The following NECAB1 variants were observed in gnomAD, a reference collection of about 807,000 sequenced individuals.
NECAB1 encodes the protein N-terminal EF-hand calcium binding protein 1, also known as N-terminal EF-hand calcium-binding protein 1.
Under a neutral mutation model 57.5 loss-of-function variants are expected in NECAB1, and 29 were observed. That is an observed-to-expected ratio of 0.50 (90% CI 0.38 to 0.69). NECAB1 has a LOEUF of 0.69. NECAB1 is among the 30% of genes least tolerant of loss of function. NECAB1 has a pLI of 0.00. For synonymous variants in NECAB1, 142 were observed against 147.7 expected (o/e 0.96, Z 0.28); for missense variants, 372 against 413.8 (o/e 0.90, Z 0.88).
intron 5 of NECAB1, among the ~76,000 whole-genome samples, chr8:90,896,640 A>AAAAAT (rs1809347207): frequency 6.6e-6 from 1 of 151,952 alleles, no homozygotes; most frequent in South Asian, 2.1e-4. Context: ...AACAAAAAAA[A>AAAAAT]CAAACAAACT....
At chr8:90,908,382 G>C (rs1056084434) in intron 5 of NECAB1, among the ~76,000 whole-genome samples, 3 of 152,088 alleles carry the variant, frequency 2.0e-5, no homozygotes, top group African/African-American at 7.2e-5. Context: ...ACATAGTTCT[G>C]TGCTCTTCAT....
intron 3 of NECAB1, among the ~76,000 whole-genome samples, chr8:90,833,746 G>A (rs1325682935): frequency 6.6e-6 from 1 of 152,044 alleles, no homozygotes; most frequent in African/African-American, 2.4e-5. Flanking sequence ...AAAATACATG[G>A]TGCTCACTTC....
At chr8:90,947,351 C>CAA (rs1554578315) in intron 10 of NECAB1, among the ~76,000 whole-genome samples, 2 of 125,200 alleles carry the variant, frequency 1.6e-5, no homozygotes, top group Admixed American at 8.4e-5. Flanking sequence ...CACACACACA[C>CAA]AATAAGCCAA....
chr8:90,941,494 T>G (rs1455459699), intron 10 of NECAB1, among the ~76,000 whole-genome samples: 3 of 152,216 alleles, frequency 2.0e-5, no homozygotes, highest in African/African-American at 7.2e-5. Flanking sequence ...CATCTTCAAT[T>G]TTTTCACTCC....
At chr8:90,823,058 T>C (rs1305070722) in intron 2 of NECAB1, among the ~76,000 whole-genome samples, 3 of 151,862 alleles carry the variant, frequency 2.0e-5, no homozygotes, top group Non-Finnish European at 4.4e-5. Flanking sequence ...AATAGTCATA[T>C]GAGGCATAAA....
At chr8:90,794,374 A>G (rs1033845211) in intron 1 of NECAB1, among the ~76,000 whole-genome samples, 7 of 152,206 alleles carry the variant, frequency 4.6e-5, no homozygotes, top group African/African-American at 9.6e-5. Flanking sequence ...TCTTCATATT[A>G]TAATACATAG....
At chr8:90,879,458 T>C (rs1808797830) in intron 4 of NECAB1, among the ~76,000 whole-genome samples, 2 of 152,060 alleles carry the variant, frequency 1.3e-5, no homozygotes, top group African/African-American at 4.8e-5. Flanking sequence ...CTGTTTTCAC[T>C]TTATATTTTT....
chr8:90,917,875 TG>T (rs1810001136), intron 6 of NECAB1, among the ~76,000 whole-genome samples: 1 of 122,614 alleles, frequency 8.2e-6, no homozygotes, highest in East Asian at 2.9e-4. Context: ...TATATATGTG[TG>T]TGTGTGCGTG....
At chr8:90,880,380 A>T (rs1371130397) in intron 4 of NECAB1, among the ~76,000 whole-genome samples, 1 of 152,164 alleles carries the variant, frequency 6.6e-6, no homozygotes, top group Non-Finnish European at 1.5e-5. Flanking sequence ...ATAAGTAAAT[A>T]TAAGATTTTG....
intron 5 of NECAB1, among the ~76,000 whole-genome samples, chr8:90,890,834 C>T (rs180914401): frequency 2.5e-3 from 380 of 152,248 alleles, no homozygotes; most frequent in African/African-American, 8.2e-3. Flanking sequence ...ACACAATGCC[C>T]TCAAGAGTCT....
Position 90,824,828 on chromosome 8 carries a change from A to G in NECAB1, c.233+3A>G. On this transcript the variant is annotated splice_donor_region_variant and intron_variant, in intron 3 of 12. Transcript: ENST00000417640. ...ACCATTGATACACATAATACTAAGTAAGAAACTTTTTTATCACTGGATTCC... is the reference window on the plus strand; with the variant it reads ...ACCATTGATACACATAATACTAAGTGAGAAACTTTTTTATCACTGGATTCC... The G allele has an allele frequency of 6.8e-7, 1 of 1,467,154 alleles. No individual in the cohort carries two copies. The highest frequency in any genetic ancestry group is 1.3e-5 in the South Asian group (1 of 75,006). 90.9% of individuals were successfully genotyped at this position (1,467,154 alleles called of 1,614,324 possible). A position where few individuals can be genotyped will look rare whatever the true frequency, so the allele number is the denominator to read the frequency against.
At chr8:90,901,491 T>G (rs1055583923) in intron 5 of NECAB1, among the ~76,000 whole-genome samples, 7 of 152,346 alleles carry the variant, frequency 4.6e-5, no homozygotes, top group African/African-American at 1.7e-4. Context: ...TTTTCGTGTT[T>G]TGTGCTTTAA....
intron 5 of NECAB1, among the ~76,000 whole-genome samples, chr8:90,897,004 C>T (rs1181129348): frequency 9.2e-5 from 14 of 152,122 alleles, no homozygotes; most frequent in Non-Finnish European, 1.2e-4. Flanking sequence ...CTTGCCCTCC[C>T]TTCTCCAAGT....
At chr8:90,874,057 G>A (rs1563512934) in intron 4 of NECAB1, among the ~76,000 whole-genome samples, 1 of 152,036 alleles carries the variant, frequency 6.6e-6, no homozygotes, top group Admixed American at 6.6e-5. Flanking sequence ...CCCCCTCTCT[G>A]TTCAAGAATA....
chr8:90,885,002 T>C (rs759725519), intron 5 of NECAB1, among the ~76,000 whole-genome samples: 10 of 152,172 alleles, frequency 6.6e-5, no homozygotes, highest in Non-Finnish European at 1.2e-4. Flanking sequence ...TATCAGACCC[T>C]AGTTATCCTG....
Position 90,825,524 on chromosome 8 carries a change from A to G in NECAB1, c.233+699A>G, listed in dbSNP as rs184818785. ...ACAGTCACAGTTACAAAACGCTTAT[A>G]TGAAAAACCACCATTTCAACCATGT... On this transcript the variant is annotated intron_variant, in intron 3 of 12. Coordinates refer to ENST00000417640, the MANE Select transcript of NECAB1 (RefSeq NM_022351.5). Among the ~76,000 whole-genome samples, 587 of 151,932 alleles carry G rather than the reference A, an allele frequency of 3.9e-3. 2 individuals carry two copies. The highest frequency in any genetic ancestry group is 0.013 in the African/African-American group (546 of 41,496).
intron 1 of NECAB1, among the ~76,000 whole-genome samples, chr8:90,799,768 G>A (rs570829653): frequency 6.6e-6 from 1 of 152,068 alleles, no homozygotes; most frequent in African/African-American, 2.4e-5. Context: ...TTTTTGTTTA[G>A]AATTGCTTTG....
At chr8:90,935,972 T>C (rs1810529416) in intron 9 of NECAB1, among the ~76,000 whole-genome samples, 1 of 152,182 alleles carries the variant, frequency 6.6e-6, no homozygotes, top group Non-Finnish European at 1.5e-5. Flanking sequence ...GGTATAGCAA[T>C]TATGCTCTTT....
chr8:90,864,347 G>A (rs1808467595), intron 3 of NECAB1, among the ~76,000 whole-genome samples: 1 of 142,020 alleles, frequency 7.0e-6, no homozygotes, highest in Non-Finnish European at 1.5e-5. Flanking sequence ...AAGAGAGGGA[G>A]GGAGGGGGAG....
Sources: gnomAD v4.1 joint callset for allele counts (sites outside exome capture counted in the v4.1 genomes callset) on GRCh38, gnomAD v4.1.1 for gene constraint, MANE v1.5 for transcripts, NCBI Gene and HGNC (gene_info 2026-07-23, HGNC 2026-07-21) for gene names.